The following CDC14B variants were observed in gnomAD, a reference collection of about 807,000 sequenced individuals.
CDC14B encodes dual specificity protein phosphatase CDC14B.
In CDC14B, 22 loss-of-function variants were observed where a neutral mutation model predicts 64.2. The observed-to-expected ratio is 0.34, with a 90% CI of 0.24 to 0.49. The LOEUF (loss-of-function observed/expected upper bound fraction) is 0.49. CDC14B is among the 20% of genes least tolerant of loss of function. The pLI, the probability that CDC14B is intolerant of heterozygous loss-of-function variation, is 0.99. For missense variants in CDC14B, 498 were observed against 629.9 expected (o/e 0.79, Z 2.24); for synonymous variants, 191 against 215.8 (o/e 0.89, Z 1.01).
exon 14 of CDC14B, chr9:96,491,515 T>C (rs1192270949): frequency 6.6e-6 from 1 of 152,160 alleles, no homozygotes; most frequent in Non-Finnish European, 1.5e-5. Flanking sequence ...ATCAACTGAG[T>C]GTTTTCTTCC....
In CDC14B at chr9:96,610,275, G is replaced by A. The variant is rs1564394016; in HGVS notation, c.160+8944C>T. Among the ~76,000 whole-genome samples the A allele has an allele frequency of 2.0e-5, 3 of 152,068 alleles. No homozygotes were observed. The South Asian group carries it at 6.2e-4, about 32-fold the overall frequency. On this transcript the variant is annotated intron_variant, in intron 1 of 13. Transcript: ENST00000375241. ...TGAAGTGGCGCAATCTCAGCTCACT[G>A]CAGGCTCTGCCCCCAGGGGTTCACG... is the stretch of plus-strand genomic sequence containing the variant.
Position 96,615,479 on chromosome 9 carries a change from A to C in CDC14B, c.160+3740T>G, listed in dbSNP as rs1168638186. 2.0e-5 allele frequency among the ~76,000 whole-genome samples: 3 copies of C among 152,222 alleles called. No homozygotes were observed. In the East Asian group the frequency reaches 5.8e-4, roughly 29 times the overall value. ...TCAATTTACAGATTAAATAGGCTGC[A>C]ATAAAAATGTCAAGGGACTAAGTTA... On this transcript the variant is annotated intron_variant, in intron 1 of 13. Transcript: ENST00000375241.
chr9:96,543,133 G>A (rs576175139), intron 5 of CDC14B, among the ~76,000 whole-genome samples: 9 of 152,202 alleles, frequency 5.9e-5, no homozygotes, highest in African/African-American at 1.9e-4. Flanking sequence ...TGAGGAGATC[G>A]AGATCTTCCT....
intron 5 of CDC14B, among the ~76,000 whole-genome samples, chr9:96,547,504 A>G (rs2131980192): frequency 1.3e-5 from 2 of 151,210 alleles, no homozygotes; most frequent in South Asian, 4.2e-4. Context: ...TCTGTTGTGC[A>G]GGCTGAGTGC....
chr9:96,537,150 G>C (rs1033717738), intron 7 of CDC14B, among the ~76,000 whole-genome samples: 11 of 152,050 alleles, frequency 7.2e-5, no homozygotes, highest in Non-Finnish European at 1.3e-4. Flanking sequence ...AATTAGCTGG[G>C]CATGGTGGCA....
intron 13 of CDC14B, among the ~76,000 whole-genome samples, chr9:96,507,997 T>A (rs976497416): frequency 2.8e-4 from 42 of 152,218 alleles, no homozygotes; most frequent in African/African-American, 9.4e-4. Flanking sequence ...CTTACAAAAT[T>A]AGAGTCATAC....
intron 5 of CDC14B, among the ~76,000 whole-genome samples, chr9:96,546,977 G>T (rs1046182659): frequency 2.0e-5 from 3 of 151,972 alleles, no homozygotes; most frequent in Non-Finnish European, 4.4e-5. Flanking sequence ...CAGGAGAATG[G>T]CGTGAACCCA....
rs1448279240 is a variant in CDC14B, at chr9:96,501,099, G to A, written c.*2654C>T. 2 of 152,302 alleles carry A rather than the reference G, an allele frequency of 1.3e-5. No individual in the cohort carries two copies. Among genetic ancestry groups the A allele is most frequent in the Non-Finnish European group, 2.9e-5 (2 of 68,092 alleles). 9.4% of individuals were successfully genotyped at this position (152,302 alleles called of 1,614,324 possible). A position where few individuals can be genotyped will look rare whatever the true frequency, so the allele number is the denominator to read the frequency against. The stretch of plus-strand genomic sequence containing the variant: ...CTGCCGGGAAGCACTGGCCACGCCA[G>A]GCCATTCTGCTCTCACGAGGCGCTG... On this transcript the variant is annotated 3_prime_UTR_variant, in exon 14 of 14. Coordinates refer to ENST00000375241, the MANE Select transcript of CDC14B (RefSeq NM_033331.4).
At chr9:96,603,779 G>A (rs563269864) in intron 1 of CDC14B, among the ~76,000 whole-genome samples, 19 of 152,240 alleles carry the variant, frequency 1.2e-4, no homozygotes, top group South Asian at 4.1e-4. Flanking sequence ...AAGACACTGC[G>A]CAAGATTTTA....
intron 1 of CDC14B, among the ~76,000 whole-genome samples, chr9:96,592,507 G>A (rs192737678): frequency 3.5e-4 from 53 of 152,304 alleles, no homozygotes; most frequent in Non-Finnish European, 6.5e-4. Context: ...CAGGCACAGC[G>A]GCTCACGCCT....
intron 13 of CDC14B, 95 bp downstream of exon 13, chr9:96,509,578 C>T (rs745585502): frequency 1.3e-6 from 1 of 779,234 alleles, no homozygotes; most frequent in Non-Finnish European, 2.3e-6. Flanking sequence ...TCTACTTTCT[C>T]CTAATTTCAT....
intron 1 of CDC14B, among the ~76,000 whole-genome samples, chr9:96,605,640 T>C (rs544327544): frequency 5.6e-4 from 85 of 152,310 alleles, no homozygotes; most frequent in African/African-American, 1.9e-3. Flanking sequence ...TCAGCATCTG[T>C]TCTGGGGAAT....
At chr9:96,618,787 G>A in intron 1 of CDC14B, 2 of 351,808 alleles carry the variant, frequency 5.7e-6, no homozygotes, top group Non-Finnish European at 1.1e-5. Context: ...GGCGCGTTCA[G>A]CGCGCTCGGG....
chr9:96,525,922 A>G (rs1201187484), intron 9 of CDC14B, among the ~76,000 whole-genome samples: 1 of 152,208 alleles, frequency 6.6e-6, no homozygotes, highest in African/African-American at 2.4e-5. Flanking sequence ...CAGATGGCAG[A>G]ATATAATGAA....
intron 9 of CDC14B, among the ~76,000 whole-genome samples, chr9:96,524,141 T>G (rs1837208952): frequency 6.6e-6 from 1 of 152,248 alleles, no homozygotes; most frequent in African/African-American, 2.4e-5. Context: ...CTTCACCATG[T>G]TGGCCAAGCT....
chr9:96,554,993 T>C (rs1199581083), intron 4 of CDC14B, among the ~76,000 whole-genome samples: 1 of 152,208 alleles, frequency 6.6e-6, no homozygotes, highest in Non-Finnish European at 1.5e-5. Context: ...TTGATATATT[T>C]TCATGAGAAG....
At chr9:96,583,149 G>C (rs1434900975) in intron 1 of CDC14B, among the ~76,000 whole-genome samples, 1 of 152,056 alleles carries the variant, frequency 6.6e-6, no homozygotes, top group Non-Finnish European at 1.5e-5. Flanking sequence ...GGTAAAATTA[G>C]TGGCATGTTC....
intron 9 of CDC14B, among the ~76,000 whole-genome samples, chr9:96,531,182 T>C (rs952037443): frequency 3.3e-5 from 5 of 152,218 alleles, no homozygotes; most frequent in Non-Finnish European, 7.3e-5. Flanking sequence ...GTGTTCCTTT[T>C]TCCTCAAATT....
At chr9:96,524,543 A>G (rs557829763) in intron 9 of CDC14B, among the ~76,000 whole-genome samples, 14 of 152,248 alleles carry the variant, frequency 9.2e-5, no homozygotes, top group Admixed American at 1.3e-4. Flanking sequence ...TATCTAGACT[A>G]TTATCATTAC....
Sources: allele counts gnomAD v4.1 joint callset (sites outside exome capture counted in the v4.1 genomes callset), GRCh38; gene constraint gnomAD v4.1.1; transcripts MANE v1.5; gene names NCBI Gene and HGNC (gene_info 2026-07-23, HGNC 2026-07-21).